Variants in ARHGEF18 observed in about 807,000 individuals in gnomAD.
The protein encoded by ARHGEF18 is Rho/Rac guanine nucleotide exchange factor 18.
In ARHGEF18, 93 loss-of-function variants were observed where a neutral mutation model predicts 155.7. The ratio of observed to expected loss-of-function variants is 0.60; its 90% CI spans 0.50 to 0.71. The LOEUF (loss-of-function observed/expected upper bound fraction) is 0.71. Among genes scored for constraint, ARHGEF18 ranks in the 30% least tolerant of loss-of-function variants. The probability of loss-of-function intolerance (pLI) is 0.00; values close to 1 mark genes in which losing one functional copy is unlikely to be tolerated. For synonymous variants in ARHGEF18, 742 were observed against 753.1 expected (o/e 0.99, Z 0.24); for missense variants, 1,593 against 1,816.1 (o/e 0.88, Z 2.23).
chr19:7,366,784 G>A (rs188347138), intron 2 of ARHGEF18, among the ~76,000 whole-genome samples: 1 of 152,174 alleles, frequency 6.6e-6, no homozygotes, highest in African/African-American at 2.4e-5. Flanking sequence ...TATTTGTAGA[G>A]ACGGGGTCTT....
intron 16 of ARHGEF18, 142 bp downstream of exon 16, chr19:7,451,408 T>A: frequency 3.5e-6 from 2 of 570,610 alleles, no homozygotes; most frequent in East Asian, 3.3e-5. Flanking sequence ...TCCTTCCTTT[T>A]TTTTTTTTTT....
intron 1 of ARHGEF18, among the ~76,000 whole-genome samples, chr19:7,356,821 G>A (rs1435710430): frequency 2.6e-5 from 4 of 152,278 alleles, no homozygotes; most frequent in South Asian, 2.1e-4. Context: ...CATGAGCCAC[G>A]TACTTGTTCA....
chr19:7,399,593 GC>G (rs1291344234), intron 10 of ARHGEF18, among the ~76,000 whole-genome samples: 6 of 151,256 alleles, frequency 4.0e-5, no homozygotes, highest in Non-Finnish European at 8.8e-5. Flanking sequence ...CCATTCTCCT[GC>G]CTCAGCCTAC....
chr19:7,365,009 G>A (rs913124989), intron 2 of ARHGEF18, among the ~76,000 whole-genome samples: 3 of 152,186 alleles, frequency 2.0e-5, no homozygotes, highest in African/African-American at 4.8e-5. Flanking sequence ...GATCTGAGTG[G>A]TTTTCCACAA....
chr19:7,401,047 C>A (rs11882682), intron 10 of ARHGEF18, among the ~76,000 whole-genome samples: 18,616 of 152,058 alleles, frequency 0.12, 2,240 homozygotes, highest in African/African-American at 0.31. Context: ...ATTTAGAAAC[C>A]ATAGTAAGTT....
chr19:7,389,687 C>T (rs951692588), intron 10 of ARHGEF18, among the ~76,000 whole-genome samples: 1 of 151,944 alleles, frequency 6.6e-6, no homozygotes, highest in African/African-American at 2.4e-5. Context: ...GCGTATGCCA[C>T]CATGCCTGGC....
At position 7,453,534 on chromosome 19, in the gene ARHGEF18, G is replaced by C; in HGVS notation, c.1923G>C (p.Val641=). 6.2e-7 allele frequency: 1 copy of C among 1,614,060 alleles called. No homozygotes were observed. The highest frequency in any genetic ancestry group is 8.5e-7 in the Non-Finnish European group (1 of 1,179,940). ...TCATCAAAGATATCATCTCACAAGT[G>C]GACGCCAAGGTCAGTGAGTGTGAGA... is the stretch of plus-strand genomic sequence containing the variant. ...LNLIKDIISQ[V]DAKVSECEKG... is the part of the protein sequence containing the mutation. The change falls in exon 17 of 29, where the codon GTG becomes GTC. Residue 641 remains valine, a synonymous_variant. Coordinates refer to ENST00000668164, the MANE Select transcript of ARHGEF18 (RefSeq NM_001367823.1).
intron 10 of ARHGEF18, among the ~76,000 whole-genome samples, chr19:7,386,234 CAA>C (rs539106383): frequency 0.011 from 1,207 of 108,192 alleles, 16 homozygotes; most frequent in African/African-American, 0.034. Flanking sequence ...TGCTATGTTG[CAA>C]AAAAAAAAAA....
At position 7,469,108 on chromosome 19, in the gene ARHGEF18, G is replaced by T; in HGVS notation, c.3764G>T (p.Gly1255Val). ...AAGGACAAGGGCGGCAAGAGCAGGG[G>T]CTCTCAGCGCTGGGAGAGCTCAGGT... is the stretch of plus-strand genomic sequence containing the variant. Reference protein sequence around the residue: ...GGKDKGGKSRGSQRWESSASF... With the variant: ...GGKDKGGKSRVSQRWESSASF... The change falls in exon 27 of 29, where the codon GGC becomes GTC. Residue 1255 changes from glycine to valine, a missense_variant. By Grantham distance (109) the Gly-to-Val change is moderately radical. Transcript: ENST00000668164. 1 of 1,604,334 alleles carries T rather than the reference G, an allele frequency of 6.2e-7. No homozygotes were observed. The highest frequency in any genetic ancestry group is 8.5e-7 in the Non-Finnish European group (1 of 1,176,794).
rs772983960 is a variant in ARHGEF18 at position 7,444,473 on chromosome 19, A to C, written c.1611+19A>C. 82 of 1,609,308 alleles carry C rather than the reference A, an allele frequency of 5.1e-5. No homozygotes were observed. The highest frequency in any genetic ancestry group is 6.7e-5 in the Non-Finnish European group (79 of 1,177,088). On this transcript the variant is annotated intron_variant, in intron 14 of 28. Coordinates refer to ENST00000668164, the MANE Select transcript of ARHGEF18 (RefSeq NM_001367823.1). The surrounding 1 kb of genome is among the most constrained non-coding windows in gnomAD (Gnocchi z 4.7). ...TCAGCAGGTGGGTGCAGCCGTGTTC[A>C]TCTCAACAGTCTTCAAAGCCTCTGC...
At chr19:7,415,581 C>T (rs1972957883) in intron 10 of ARHGEF18, among the ~76,000 whole-genome samples, 1 of 152,058 alleles carries the variant, frequency 6.6e-6, no homozygotes, top group Admixed American at 6.6e-5. Context: ...GCAGAACCTC[C>T]TGGAATAAGA....
the ARHGEF18 span, among the ~76,000 whole-genome samples, chr19:7,479,509 G>A: frequency 2.6e-5 from 4 of 152,108 alleles, no homozygotes; most frequent in Non-Finnish European, 4.4e-5. Flanking sequence ...AGCCCTGGGC[G>A]CCGGACCCAG....
chr19:7,463,788 C>A lies in ARHGEF18; in HGVS notation c.2636-30C>A. 6.3e-7 allele frequency: 1 copy of A among 1,581,438 alleles called. No homozygotes were observed. Among genetic ancestry groups the A allele is most frequent in the East Asian group, 2.3e-5 (1 of 44,090 alleles). ...CCCCCAGCACACTTCCGCAGGGCGACCCGTGCCTCCTGTCCCCTTCCTTCC... is the reference window on the plus strand; with the variant it reads ...CCCCCAGCACACTTCCGCAGGGCGAACCGTGCCTCCTGTCCCCTTCCTTCC... On this transcript the variant is annotated intron_variant, in intron 21 of 28. Transcript: ENST00000668164. The surrounding 1 kb of genome is among the most constrained non-coding windows in gnomAD (Gnocchi z 5.2).
At chr19:7,447,308 G>A (rs1324504637) in intron 15 of ARHGEF18, 140 bp downstream of exon 15, 7 of 683,612 alleles carry the variant, frequency 1.0e-5, no homozygotes, top group Non-Finnish European at 1.6e-5. Context: ...GGCCAACATG[G>A]TGAAACCCCG....
chr19:7,399,084 T>TATGA (rs1971886414), intron 10 of ARHGEF18, among the ~76,000 whole-genome samples: 1 of 152,222 alleles, frequency 6.6e-6, no homozygotes, highest in African/African-American at 2.4e-5. Flanking sequence ...AGAGACCTTA[T>TATGA]ATGAAGTCCA....
intron 10 of ARHGEF18, among the ~76,000 whole-genome samples, chr19:7,385,823 A>ATCTCTCTC (rs1288367668): frequency 8.1e-5 from 6 of 73,788 alleles, no homozygotes; most frequent in South Asian, 5.1e-4. Context: ...GATAGGATCT[A>ATCTCTCTC]TCTCTCTCTA....
chr19:7,452,959 G>A (rs770487505), intron 16 of ARHGEF18, among the ~76,000 whole-genome samples: 61 of 151,796 alleles, frequency 4.0e-4, no homozygotes, highest in Non-Finnish European at 8.1e-4. Context: ...ACTTTGGGAG[G>A]CTGAGGCAGG....
At chr19:7,399,264 A>G (rs1971900408) in intron 10 of ARHGEF18, among the ~76,000 whole-genome samples, 1 of 152,126 alleles carries the variant, frequency 6.6e-6, no homozygotes, top group Admixed American at 6.6e-5. Flanking sequence ...TGACTGGGTG[A>G]GGGAGGGAAA....
rs56034714 is a variant in ARHGEF18, at chr19:7,424,241, G to T, written c.968-16103G>T. Among the ~76,000 whole-genome samples, 1,412 of 152,116 alleles carry T rather than the reference G, an allele frequency of 9.3e-3. 4 individuals carry two copies. The highest frequency in any genetic ancestry group is 0.013 in the Non-Finnish European group (917 of 68,000). ...GGGTTTCTCCATGTTGGTCAGGCTGGTCTCGAACTCCCGACCTCAGGTGAT... is the reference window on the plus strand; with the variant it reads ...GGGTTTCTCCATGTTGGTCAGGCTGTTCTCGAACTCCCGACCTCAGGTGAT... On this transcript the variant is annotated intron_variant, in intron 10 of 28. Coordinates refer to ENST00000668164, the MANE Select transcript of ARHGEF18 (RefSeq NM_001367823.1).
Sources: allele counts gnomAD v4.1 joint callset (sites outside exome capture counted in the v4.1 genomes callset), GRCh38; gene constraint gnomAD v4.1.1; non-coding constraint Gnocchi (gnomAD v3.1); transcripts MANE v1.5; gene names NCBI Gene and HGNC (gene_info 2026-07-23, HGNC 2026-07-21).